The following C3orf20 variants were observed in gnomAD, a reference collection of about 807,000 sequenced individuals.
C3orf20 encodes the protein family with sequence similarity 149 member C.
In C3orf20, 76 loss-of-function variants were observed where a neutral mutation model predicts 88.3. The observed-to-expected ratio is 0.86, with a 90% confidence interval of 0.72 to 1.04. C3orf20 has a LOEUF of 1.04. Among genes scored for constraint, C3orf20 ranks in the 50% least tolerant of loss-of-function variants. The probability of loss-of-function intolerance (pLI) is 0.00; values close to 1 mark genes in which losing one functional copy is unlikely to be tolerated. For synonymous variants in C3orf20, 436 were observed against 437.4 expected (o/e 1.00, Z 0.04); for missense variants, 1,056 against 1,123.3 (o/e 0.94, Z 0.86).
chr3:14,689,960 A>G (rs775623218), intron 4 of C3orf20, 37 bp from the exon 5 acceptor site: 3 of 1,613,366 alleles, frequency 1.9e-6, no homozygotes, highest in East Asian at 2.2e-5. Flanking sequence ...TTAAAAGTAA[A>G]CAGTTGAAAG....
chr3:14,690,667 C>A (rs2032682952), intron 5 of C3orf20, among the ~76,000 whole-genome samples: 1 of 152,202 alleles, frequency 6.6e-6, no homozygotes, highest in African/African-American at 2.4e-5. Flanking sequence ...CAAAGACAAC[C>A]AATGTGACAA....
chr3:14,723,527 G>A (rs1189657621), intron 10 of C3orf20, among the ~76,000 whole-genome samples: 1 of 152,232 alleles, frequency 6.6e-6, no homozygotes, highest in Non-Finnish European at 1.5e-5. Context: ...AGAGGCAAAA[G>A]CATGGGCACC....
chr3:14,683,278 G>A (rs1371445666), intron 3 of C3orf20, 81 bp downstream of exon 3: 2 of 1,487,962 alleles, frequency 1.3e-6, no homozygotes, highest in African/African-American at 2.8e-5. Context: ...GGAACAGGTG[G>A]CAACTGTGGG....
Position 14,714,101 on chromosome 3 carries a change from T to A in C3orf20, c.1255T>A (p.Leu419Met), listed in dbSNP as rs552742798. Residue 419 changes from leucine (L) to methionine (M), a missense_variant, in exon 8 of 17, where the codon TTG (leucine) becomes ATG (methionine). Transcript: ENST00000253697. ...CLFNDIPGFS[L>M]LALFNTEGQG... The stretch of plus-strand genomic sequence containing the variant: ...CTTTAATGACATACCTGGATTCTCC[T>A]TGCTGGCCCTATTCAATACTGAAGG... 1 of 1,614,120 alleles carries A rather than the reference T, an allele frequency of 6.2e-7. No homozygotes were observed. Among genetic ancestry groups the A allele is most frequent in the Non-Finnish European group, 8.5e-7 (1 of 1,180,022 alleles).
intron 1 of C3orf20, among the ~76,000 whole-genome samples, chr3:14,675,594 G>T (rs1165397347): frequency 6.6e-6 from 1 of 151,974 alleles, no homozygotes; most frequent in Non-Finnish European, 1.5e-5. Flanking sequence ...CATAGTAAGT[G>T]TGTGTTTGTC....
chr3:14,688,529 CA>C (rs35979290), intron 4 of C3orf20, among the ~76,000 whole-genome samples: 17,863 of 105,220 alleles, frequency 0.17, 746 homozygotes, highest in Non-Finnish European at 0.19. Context: ...GAGACTGTCT[CA>C]AAAAAAAAAA....
Position 14,728,672 on chromosome 3 carries a change from G to C in C3orf20, c.1924G>C (p.Ala642Pro), listed in dbSNP as rs145058645. Residue 642 changes from alanine (A) to proline (P), a missense_variant, in exon 12 of 17, where the codon GCC becomes CCC. Physicochemically the swap from Ala to Pro is conservative, Grantham distance 27. Transcript: ENST00000253697. ...GAAGACCACCAAAATCCACACCAAAGCCAAGGTCACATCCAGGTTGGCTTG... is the reference window on the plus strand; with the variant it reads ...GAAGACCACCAAAATCCACACCAAACCCAAGGTCACATCCAGGTTGGCTTG... Reference protein sequence around the residue: ...VRKTTKIHTKAKVTSRGKARE... With the variant: ...VRKTTKIHTKPKVTSRGKARE... 6 of 1,613,530 alleles carry C rather than the reference G, an allele frequency of 3.7e-6. No homozygotes were observed. In the African/African-American group the frequency reaches 5.3e-5, roughly 14 times the overall value.
At chr3:14,708,053 C>G (rs2033594273) in intron 7 of C3orf20, among the ~76,000 whole-genome samples, 1 of 152,038 alleles carries the variant, frequency 6.6e-6, no homozygotes, top group African/African-American at 2.4e-5. Context: ...CACTCCTGAC[C>G]TTAGGTGATC....
At chr3:14,766,175 G>A (rs1448222239) in intron 15 of C3orf20, among the ~76,000 whole-genome samples, 2 of 152,214 alleles carry the variant, frequency 1.3e-5, no homozygotes, top group Admixed American at 1.3e-4. Context: ...CCCCCACTCA[G>A]CCTGTGCCTT....
chr3:14,714,614 T>C (rs2033874689), intron 8 of C3orf20, among the ~76,000 whole-genome samples: 1 of 152,156 alleles, frequency 6.6e-6, no homozygotes, highest in Non-Finnish European at 1.5e-5. Flanking sequence ...TGTTTTTGTT[T>C]TGAGACTGGG....
intron 4 of C3orf20, among the ~76,000 whole-genome samples, chr3:14,686,958 T>TG (rs1030930090): frequency 2.0e-5 from 3 of 152,110 alleles, no homozygotes; most frequent in African/African-American, 4.8e-5. Context: ...TTGCAGATCT[T>TG]GGGGAAAAAA....
intron 10 of C3orf20, chr3:14,722,682 C>T: frequency 2.3e-6 from 1 of 436,528 alleles, no homozygotes. Flanking sequence ...GTGATTCCCT[C>T]TAATGTCTGT....
chr3:14,694,419 G>T (rs917435209), intron 5 of C3orf20, among the ~76,000 whole-genome samples: 1 of 152,020 alleles, frequency 6.6e-6, no homozygotes, highest in Non-Finnish European at 1.5e-5. Context: ...GTTTTGATAG[G>T]TTGTATGTGT....
intron 1 of C3orf20, among the ~76,000 whole-genome samples, chr3:14,679,640 G>C (rs2031976784): frequency 6.6e-6 from 1 of 151,820 alleles, no homozygotes; most frequent in Non-Finnish European, 1.5e-5. Flanking sequence ...AGAGAGGTCA[G>C]CTGGTACAAA....
At chr3:14,704,056 A>G (rs1423722034) in intron 6 of C3orf20, among the ~76,000 whole-genome samples, 1 of 152,118 alleles carries the variant, frequency 6.6e-6, no homozygotes, top group Non-Finnish European at 1.5e-5. Flanking sequence ...TCAAACCCCC[A>G]GGACCCACCC....
At chr3:14,744,706 C>T (rs1196742268) in intron 12 of C3orf20, among the ~76,000 whole-genome samples, 4 of 151,844 alleles carry the variant, frequency 2.6e-5, no homozygotes, top group Admixed American at 6.6e-5. Context: ...TCTTACATGG[C>T]GACGACAAGA....
Position 14,684,367 on chromosome 3 carries a change from G to C in C3orf20, c.610G>C (p.Gly204Arg), listed in dbSNP as rs551894334. 6.8e-6 allele frequency: 11 copies of C among 1,614,004 alleles called. No homozygotes were observed. In the Admixed American group the frequency reaches 1.5e-4, roughly 22 times the overall value. Residue 204 changes from glycine to arginine, a missense_variant, in exon 4 of 17, where the codon GGA becomes CGA. Physicochemically the swap from Gly to Arg is moderately radical, Grantham distance 125. Transcript: ENST00000253697. ...AGCCGGGAGAAGTGGCTACAGCAGC[G>C]GACAGTTGTGGAAAGGTGGGTACCT... is the stretch of plus-strand genomic sequence containing the variant. ...STAGRSGYSS[G>R]QLWKESLANM...
At chr3:14,764,480 T>TTTTTTTTTA (rs770013903) in intron 15 of C3orf20, among the ~76,000 whole-genome samples, 1 of 148,688 alleles carries the variant, frequency 6.7e-6, no homozygotes, top group Non-Finnish European at 1.5e-5. Context: ...AACACAATCG[T>TTTTTTTTTA]TTATTATTAT....
intron 4 of C3orf20, among the ~76,000 whole-genome samples, chr3:14,687,802 G>T (rs2124899313): frequency 6.6e-6 from 1 of 152,294 alleles, no homozygotes; most frequent in East Asian, 1.9e-4. Context: ...ATCCTCTGTG[G>T]GCTGCGATTC....
Sources: gnomAD v4.1 joint callset for allele counts (sites outside exome capture counted in the v4.1 genomes callset) on GRCh38, gnomAD v4.1.1 for gene constraint, MANE v1.5 for transcripts, NCBI Gene and HGNC (gene_info 2026-07-23, HGNC 2026-07-21) for gene names.